The following GNAO1 variants were observed in gnomAD, a reference collection of about 807,000 sequenced individuals.
GNAO1 encodes the protein guanine nucleotide-binding protein G(o) subunit alpha.
For synonymous variants in GNAO1, 164 were observed against 180.7 expected (o/e 0.91, Z 0.74); for missense variants, 166 against 478.7 (o/e 0.35, Z 6.10).
chr16:56,350,711 G>A (rs1284088270), intron 6 of GNAO1, among the ~76,000 whole-genome samples: 1 of 152,140 alleles, frequency 6.6e-6, no homozygotes, highest in Non-Finnish European at 1.5e-5. Flanking sequence ...TCTCCCCTGA[G>A]TGGTGGCACC....
intron 5 of GNAO1, 121 bp from the exon 6 acceptor site, chr16:56,336,610 T>C (rs2037742473): frequency 2.3e-6 from 2 of 888,470 alleles, no homozygotes; most frequent in East Asian, 5.4e-5. Context: ...AGTGAGGGCT[T>C]TTAGCAAGGC....
At chr16:56,294,166 C>T (rs1432730151) in intron 3 of GNAO1, among the ~76,000 whole-genome samples, 5 of 152,146 alleles carry the variant, frequency 3.3e-5, no homozygotes, top group Non-Finnish European at 7.4e-5. Flanking sequence ...AGTTTACTTG[C>T]AATCCTGGCT....
chr16:56,212,524 G>A (rs180857256), intron 2 of GNAO1, among the ~76,000 whole-genome samples: 3 of 152,226 alleles, frequency 2.0e-5, no homozygotes, highest in Admixed American at 6.5e-5. Context: ...CTGAATCTGC[G>A]ATGGCCCAGA....
chr16:56,230,837 C>CAT (rs1359044226), intron 2 of GNAO1, among the ~76,000 whole-genome samples: 2 of 152,168 alleles, frequency 1.3e-5, no homozygotes, highest in African/African-American at 4.8e-5. Flanking sequence ...TGAAAAGGCT[C>CAT]ATAGAGACCA....
chr16:56,198,621 A>G (rs2036254547), intron 2 of GNAO1, among the ~76,000 whole-genome samples: 1 of 152,228 alleles, frequency 6.6e-6, no homozygotes, highest in Non-Finnish European at 1.5e-5. Context: ...TGGGACTGAT[A>G]ATGAAAATAA....
intron 6 of GNAO1, chr16:56,347,768 C>G: frequency 1.2e-6 from 1 of 860,818 alleles, no homozygotes; most frequent in Non-Finnish European, 1.4e-6. Context: ...CCTCCCCACC[C>G]CTCCCCTCCC....
chr16:56,351,388 G>T lies in GNAO1; in HGVS notation c.728G>T (p.Arg243Leu). The change falls in exon 7 of 9, where the codon CGC (arginine) becomes CTC (leucine). Residue 243 changes from arginine to leucine, a missense_variant. By Grantham distance (102) the Arg-to-Leu change is moderately radical. Transcript: ENST00000262493. The surrounding 1 kb of genome is among the most constrained non-coding windows in gnomAD (Gnocchi z 6.1). The stretch of plus-strand genomic sequence containing the variant: ...CCTCCCTTCCTGCGGCCGCAGAACC[G>T]CATGCACGAGTCTCTCATGCTCTTC... ...QVLHEDETTN[R>L]MHESLMLFDS... 6.2e-7 allele frequency: 1 copy of T among 1,610,726 alleles called. No homozygotes were observed. The highest frequency in any genetic ancestry group is 8.5e-7 in the Non-Finnish European group (1 of 1,177,232).
At chr16:56,223,756 A>G (rs527540962) in intron 2 of GNAO1, among the ~76,000 whole-genome samples, 1 of 152,346 alleles carries the variant, frequency 6.6e-6, no homozygotes, top group African/African-American at 2.4e-5. Flanking sequence ...GTTGTTATCA[A>G]ACCTGTTTTA....
chr16:56,346,462 T>A, intron 6 of GNAO1: 1 of 985,414 alleles, frequency 1.0e-6, no homozygotes, highest in Non-Finnish European at 1.2e-6. Context: ...AAATTGTGCC[T>A]GCCACTTTCA....
At chr16:56,337,000 A>G (rs1327940878) in intron 6 of GNAO1, 140 bp downstream of exon 6, 4 of 816,864 alleles carry the variant, frequency 4.9e-6, no homozygotes, top group African/African-American at 1.7e-5. Flanking sequence ...GGTTTCCATC[A>G]TGGACAGGCC....
chr16:56,355,246 A>T (rs969423256), intron 8 of GNAO1, 165 bp downstream of exon 8: 2 of 196,632 alleles, frequency 1.0e-5, no homozygotes, highest in Non-Finnish European at 2.0e-5. Flanking sequence ...TATTTAAAAA[A>T]TCTTTTTAGT....
At chr16:56,221,220 C>T (rs776940256) in intron 2 of GNAO1, among the ~76,000 whole-genome samples, 1 of 151,684 alleles carries the variant, frequency 6.6e-6, no homozygotes, top group African/African-American at 2.4e-5. Flanking sequence ...AAATAAGTCT[C>T]TCTTCTTTAT....
At chr16:56,265,906 T>C (rs559602399) in intron 2 of GNAO1, among the ~76,000 whole-genome samples, 11 of 152,216 alleles carry the variant, frequency 7.2e-5, no homozygotes, top group African/African-American at 2.6e-4. Context: ...TCCCTATCAC[T>C]CACTAGGTTC....
chr16:56,228,255 A>G (rs1057036771), intron 2 of GNAO1, among the ~76,000 whole-genome samples: 10 of 152,192 alleles, frequency 6.6e-5, no homozygotes, highest in Non-Finnish European at 1.2e-4. Context: ...ACCAGGCCAG[A>G]CTGGAATAGG....
chr16:56,343,851 C>A (rs1225155824), intron 6 of GNAO1: 1 of 1,613,598 alleles, frequency 6.2e-7, no homozygotes, highest in Non-Finnish European at 8.5e-7. Context: ...TCTACACCCA[C>A]GTCACCTGCG....
intron 2 of GNAO1, among the ~76,000 whole-genome samples, chr16:56,275,531 C>T (rs1305520575): frequency 6.6e-6 from 1 of 152,206 alleles, no homozygotes; most frequent in Non-Finnish European, 1.5e-5. Flanking sequence ...CATCCATTTG[C>T]AGACTTTTTA....
intron 2 of GNAO1, among the ~76,000 whole-genome samples, chr16:56,266,009 A>G (rs2036949902): frequency 6.6e-6 from 1 of 152,090 alleles, no homozygotes; most frequent in South Asian, 2.1e-4. Flanking sequence ...CTTCCTCACC[A>G]ATATGCAAGG....
At chr16:56,344,834 A>G (rs2037847190) in intron 6 of GNAO1, 1 of 985,222 alleles carries the variant, frequency 1.0e-6, no homozygotes, top group South Asian at 4.7e-5. Context: ...ACTGAATTCA[A>G]CTCAAACCAG....
intron 3 of GNAO1, among the ~76,000 whole-genome samples, chr16:56,314,722 G>A (rs1331750856): frequency 2.0e-5 from 3 of 152,240 alleles, no homozygotes; most frequent in Admixed American, 6.5e-5. Context: ...TGCACCATCC[G>A]TGCAAATGTT....
Sources: gnomAD v4.1 joint callset for allele counts (sites outside exome capture counted in the v4.1 genomes callset) on GRCh38, gnomAD v4.1.1 for gene constraint, Gnocchi (gnomAD v3.1) non-coding constraint, MANE v1.5 for transcripts, NCBI Gene and HGNC (gene_info 2026-07-23, HGNC 2026-07-21) for gene names.